Variants in GRM8 observed in about 807,000 individuals in gnomAD.
The protein encoded by GRM8 is metabotropic glutamate receptor 8.
Under a neutral mutation model 87.2 loss-of-function variants are expected in GRM8, and 47 were observed. That is an observed-to-expected ratio of 0.54 (90% CI 0.43 to 0.69). GRM8 has a LOEUF of 0.69. Ranked by LOEUF, GRM8 falls within the 30% of genes least tolerant of loss-of-function variation. The pLI, the probability that GRM8 is intolerant of heterozygous loss-of-function variation, is 0.00. For synonymous variants in GRM8, 396 were observed against 404.5 expected, an observed-to-expected ratio of 0.98 and a Z score of 0.25; for missense variants, 1,019 against 1,139.2, an observed-to-expected ratio of 0.89 and a Z score of 1.52.
chr7:127,231,115 T>C (rs745460182), intron 2 of GRM8, among the ~76,000 whole-genome samples: 1 of 152,220 alleles, frequency 6.6e-6, no homozygotes, highest in Non-Finnish European at 1.5e-5. Flanking sequence ...GGCATATACC[T>C]ATGGGATGCT....
At chr7:127,110,704 C>A (rs1826269185) in intron 2 of GRM8, among the ~76,000 whole-genome samples, 1 of 152,156 alleles carries the variant, frequency 6.6e-6, no homozygotes, top group African/African-American at 2.4e-5. Flanking sequence ...ATTCTCACTT[C>A]AGCCCACAGA....
At chr7:126,993,739 A>T (rs573712809) in intron 3 of GRM8, among the ~76,000 whole-genome samples, 1 of 152,318 alleles carries the variant, frequency 6.6e-6, no homozygotes, top group African/African-American at 2.4e-5. Flanking sequence ...AGTGGAAAGC[A>T]AAAGCGTGAT....
chr7:126,705,220 G>A, intron 7 of GRM8, among the ~76,000 whole-genome samples: 1 of 152,130 alleles, frequency 6.6e-6, no homozygotes, highest in Non-Finnish European at 1.5e-5. Context: ...TGCTTACTTT[G>A]CTATAATTAC....
chr7:126,576,479 C>T (rs1795125726), intron 8 of GRM8, among the ~76,000 whole-genome samples: 1 of 152,050 alleles, frequency 6.6e-6, no homozygotes, highest in East Asian at 1.9e-4. Context: ...GACAGGGTTT[C>T]ACCATGTTGC....
chr7:126,827,818 T>G (rs1257107731), intron 6 of GRM8, among the ~76,000 whole-genome samples: 1 of 152,244 alleles, frequency 6.6e-6, no homozygotes, highest in East Asian at 1.9e-4. Flanking sequence ...TTCCAGTTTT[T>G]GCCCATTCAG....
At chr7:127,207,295 C>T (rs540653874) in intron 2 of GRM8, among the ~76,000 whole-genome samples, 1 of 152,110 alleles carries the variant, frequency 6.6e-6, no homozygotes, top group East Asian at 1.9e-4. Context: ...CCCTTATTCC[C>T]AAGTTTTCTA....
intron 3 of GRM8, among the ~76,000 whole-genome samples, chr7:126,964,009 C>A (rs774783626): frequency 6.6e-6 from 1 of 152,104 alleles, no homozygotes; most frequent in Non-Finnish European, 1.5e-5. Context: ...AGAAATAACA[C>A]CAAACATCTA....
intron 2 of GRM8, among the ~76,000 whole-genome samples, chr7:127,171,016 C>T (rs1162193996): frequency 6.6e-6 from 1 of 152,030 alleles, no homozygotes; most frequent in African/African-American, 2.4e-5. Context: ...TTAAAAAAAC[C>T]ATTCGTGACT....
At chr7:127,232,026 A>T (rs975135515) in intron 2 of GRM8, among the ~76,000 whole-genome samples, 1 of 152,014 alleles carries the variant, frequency 6.6e-6, no homozygotes, top group African/African-American at 2.4e-5. Flanking sequence ...CACCCAACAC[A>T]TGGATTTGGA....
At chr7:126,798,022 C>T (rs1163867432) in intron 6 of GRM8, among the ~76,000 whole-genome samples, 2 of 152,112 alleles carry the variant, frequency 1.3e-5, no homozygotes, top group Non-Finnish European at 2.9e-5. Context: ...AAGAGAACGC[C>T]TCTAAGAGAA....
chr7:127,162,019 A>T (rs1028159917), intron 2 of GRM8, among the ~76,000 whole-genome samples: 2 of 152,180 alleles, frequency 1.3e-5, no homozygotes, highest in African/African-American at 4.8e-5. Context: ...ACACAATGGA[A>T]TATTACTCAT....
chr7:126,647,034 C>G (rs907295376), intron 7 of GRM8, among the ~76,000 whole-genome samples: 4 of 152,070 alleles, frequency 2.6e-5, no homozygotes, highest in African/African-American at 9.7e-5. Flanking sequence ...GGGGGTGATT[C>G]TAGGGCCTTG....
chr7:126,829,686 C>G (rs1367081154), intron 6 of GRM8, among the ~76,000 whole-genome samples: 1 of 151,982 alleles, frequency 6.6e-6, no homozygotes, highest in Non-Finnish European at 1.5e-5. Flanking sequence ...TTAATTGGAG[C>G]ATTTAGTCCA....
chr7:126,951,622 T>A (rs1808168564), intron 3 of GRM8, among the ~76,000 whole-genome samples: 1 of 152,074 alleles, frequency 6.6e-6, no homozygotes, highest in African/African-American at 2.4e-5. Context: ...AATGCATAAA[T>A]GCTAGAATTT....
intron 3 of GRM8, among the ~76,000 whole-genome samples, chr7:126,986,698 T>A (rs1030755249): frequency 6.6e-6 from 1 of 152,184 alleles, no homozygotes; most frequent in Non-Finnish European, 1.5e-5. Flanking sequence ...AGTGAATCAA[T>A]GTTTAACCCA....
intron 8 of GRM8, among the ~76,000 whole-genome samples, chr7:126,577,426 T>A (rs1282933842): frequency 6.6e-6 from 1 of 152,168 alleles, no homozygotes; most frequent in African/African-American, 2.4e-5. Flanking sequence ...ACTCTTAATC[T>A]CAGAGTAGTA....
At chr7:127,028,731 A>G (rs1018842313) in intron 3 of GRM8, among the ~76,000 whole-genome samples, 2 of 151,402 alleles carry the variant, frequency 1.3e-5, no homozygotes, top group African/African-American at 4.8e-5. Flanking sequence ...TTCTTTTCTT[A>G]TTAGTCTTGC....
At chr7:126,754,003 C>G (rs569304425) in intron 7 of GRM8, among the ~76,000 whole-genome samples, 1 of 151,780 alleles carries the variant, frequency 6.6e-6, no homozygotes, top group Non-Finnish European at 1.5e-5. Context: ...AAGAGAAATA[C>G]TTAAAATCTT....
intron 7 of GRM8, among the ~76,000 whole-genome samples, chr7:126,623,081 T>C (rs1033547177): frequency 6.6e-6 from 1 of 152,168 alleles, no homozygotes; most frequent in Non-Finnish European, 1.5e-5. Flanking sequence ...CAAAACCTAA[T>C]TTAATACCCA....
Sources: allele counts gnomAD v4.1 joint callset (sites outside exome capture counted in the v4.1 genomes callset), GRCh38; gene constraint gnomAD v4.1.1; transcripts MANE v1.5; gene names NCBI Gene and HGNC (gene_info 2026-07-23, HGNC 2026-07-21).